Variants in DAB2IP observed in about 807,000 individuals in gnomAD.
The protein encoded by DAB2IP is DAB2 interacting protein.
In DAB2IP, 28 loss-of-function variants were observed where a neutral mutation model predicts 107.2. That is an observed-to-expected ratio of 0.26 (90% CI 0.19 to 0.36). The LOEUF (loss-of-function observed/expected upper bound fraction) is 0.36, where lower values mean the gene tolerates loss of function less well. Ranked by LOEUF, DAB2IP falls within the 10% of genes least tolerant of loss-of-function variation. DAB2IP has a pLI of 1.00. For missense variants in DAB2IP, 1,400 were observed against 1,644.7 expected (o/e 0.85, Z 2.57); for synonymous variants, 755 against 706.4 (o/e 1.07, Z -1.09).
Position 121,776,515 on chromosome 9 carries a change from G to T in DAB2IP, c.3314+124G>T. ...AGCTGAATGTGGAGAGAGGAGGGAA[G>T]AGAGTGTCTGGGCAGTGGGAGCAGC... is the stretch of plus-strand genomic sequence containing the variant. On this transcript the variant is annotated intron_variant, in intron 14 of 15. Transcript: ENST00000408936. The surrounding 1 kb of genome is among the most constrained non-coding windows in gnomAD (Gnocchi z 5.4). 1 of 1,130,164 alleles carries T rather than the reference G, an allele frequency of 8.8e-7. No homozygotes were observed. Among genetic ancestry groups the T allele is most frequent in the South Asian group, 1.6e-5 (1 of 60,888 alleles). The allele number at this position is 1,130,164 out of a possible 1,614,324, so 70.0% of individuals were successfully genotyped here. A position where few individuals can be genotyped will look rare whatever the true frequency, so the allele number is the denominator to read the frequency against.
At chr9:121,745,075 G>C (rs1223352049) in intron 3 of DAB2IP, among the ~76,000 whole-genome samples, 1 of 152,192 alleles carries the variant, frequency 6.6e-6, no homozygotes, top group African/African-American at 2.4e-5. Context: ...AGCTTAGCCT[G>C]GAGTCAGCCA....
chr9:121,638,430 T>G (rs1196953596), intron 1 of DAB2IP, among the ~76,000 whole-genome samples: 1 of 152,072 alleles, frequency 6.6e-6, no homozygotes, highest in African/African-American at 2.4e-5. Flanking sequence ...GAGAGACGCC[T>G]GTATGGCACT....
rs1319952117 is a variant in DAB2IP, at chr9:121,599,556, G to T, written c.40+32328G>T. Among the ~76,000 whole-genome samples the T allele has an allele frequency of 6.6e-6, 1 of 151,936 alleles. No homozygotes were observed. The highest frequency in any genetic ancestry group is 2.4e-5 in the African/African-American group (1 of 41,408). The stretch of plus-strand genomic sequence containing the variant: ...GGAGCCGTAGAGCGGCGGCGCCGGG[G>T]GAGGCGCGGAGCCGGCCGTAGCGCG... On this transcript the variant is annotated intron_variant, in intron 1 of 16. Coordinates refer to the DAB2IP transcript ENST00000259371. This position sits in a 1 kb window ranked among gnomAD's most constrained non-coding sequence, Gnocchi z 6.9.
intron 1 of DAB2IP, among the ~76,000 whole-genome samples, chr9:121,674,019 G>A (rs1221614269): frequency 6.6e-6 from 1 of 152,224 alleles, no homozygotes; most frequent in East Asian, 1.9e-4. Context: ...ATGAAGGCGT[G>A]GGCAGGCCTC....
At chr9:121,586,484 C>T (rs753154564) in intron 1 of DAB2IP, among the ~76,000 whole-genome samples, 26 of 152,138 alleles carry the variant, frequency 1.7e-4, no homozygotes, top group Non-Finnish European at 2.4e-4. Flanking sequence ...CAAAATGGGC[C>T]CCTTGCAGGG....
rs752395421 is a variant in DAB2IP at position 121,782,750 on chromosome 9, C to T, written c.*252C>T. The T allele has an allele frequency of 6.6e-6, 9 of 1,355,268 alleles. No homozygotes were observed. The highest frequency in any genetic ancestry group is 7.6e-6 in the Non-Finnish European group (8 of 1,053,798). 84.0% of individuals were successfully genotyped at this position (1,355,268 alleles called of 1,614,324 possible). ...GAGACTGCACGCTGGGGAGTGGGGA[C>T]AGCCTGATGGGGCAGGGGGCCTGCC... is the stretch of plus-strand genomic sequence containing the variant. On this transcript the variant is annotated 3_prime_UTR_variant, in exon 16 of 16. Coordinates refer to ENST00000408936, the Ensembl canonical transcript of DAB2IP. This position sits in a 1 kb window ranked among gnomAD's most constrained non-coding sequence, Gnocchi z 6.1.
intron 1 of DAB2IP, among the ~76,000 whole-genome samples, chr9:121,628,601 G>A (rs1345348591): frequency 2.6e-5 from 4 of 152,196 alleles, no homozygotes; most frequent in East Asian, 1.9e-4. Flanking sequence ...AAGGCTTCCC[G>A]GAAGAGGTGG....
At chr9:121,624,088 A>T (rs1235796866) in intron 1 of DAB2IP, among the ~76,000 whole-genome samples, 1 of 152,110 alleles carries the variant, frequency 6.6e-6, no homozygotes, top group Non-Finnish European at 1.5e-5. Flanking sequence ...GGTACCTTAG[A>T]TTCACTCCTC....
exon 16 of DAB2IP, chr9:121,783,907 C>T (rs1280435328): frequency 9.5e-6 from 3 of 317,054 alleles, no homozygotes; most frequent in East Asian, 6.0e-5. Context: ...GAGCAAAGGC[C>T]CTGGGTAAGA....
Position 121,662,063 on chromosome 9 carries a change from C to T in DAB2IP, c.124+10164C>T, listed in dbSNP as rs528792422. On this transcript the variant is annotated intron_variant, in intron 1 of 15. Transcript: ENST00000408936. This position sits in a 1 kb window ranked among gnomAD's most constrained non-coding sequence, Gnocchi z 4.6. ...TTACAGAACAGAAGAAAATAAAAAT[C>T]ACCTTTAATCCAGCACCCACCAATA... 6.6e-6 allele frequency among the ~76,000 whole-genome samples: 1 copy of T among 152,156 alleles called. No individual in the cohort carries two copies. Among genetic ancestry groups the T allele is most frequent in the East Asian group, 1.9e-4 (1 of 5,188 alleles).
At chr9:121,571,159 T>C (rs1442218135) in intron 1 of DAB2IP, among the ~76,000 whole-genome samples, 1 of 152,040 alleles carries the variant, frequency 6.6e-6, no homozygotes, top group Non-Finnish European at 1.5e-5. Context: ...AGAGAAGCCC[T>C]CCTTAAACCA....
At chr9:121,589,166 T>G (rs1830372448) in intron 1 of DAB2IP, among the ~76,000 whole-genome samples, 2 of 152,112 alleles carry the variant, frequency 1.3e-5, no homozygotes, top group South Asian at 4.1e-4. Flanking sequence ...TAGGGAGAAC[T>G]AGTAGACATG....
chr9:121,696,080 G>A (rs1829413014), intron 2 of DAB2IP, among the ~76,000 whole-genome samples: 1 of 152,020 alleles, frequency 6.6e-6, no homozygotes, highest in Non-Finnish European at 1.5e-5. Context: ...TCTTGGCCAG[G>A]CTGGTCTTGA....
At position 121,776,693 on chromosome 9, in the gene DAB2IP, G is replaced by C. The variant is rs538881766; in HGVS notation, c.3314+302G>C. 1.3e-5 allele frequency among the ~76,000 whole-genome samples: 2 copies of C among 152,192 alleles called. No individual in the cohort carries two copies. The highest frequency in any genetic ancestry group is 4.8e-5 in the African/African-American group (2 of 41,460). ...TACCATCTTAGTAAGCACTCTCAGG[G>C]GCGCTGAGAAGCTGGATTGGGGGGT... is the stretch of plus-strand genomic sequence containing the variant. On this transcript the variant is annotated intron_variant, in intron 14 of 15. Transcript: ENST00000408936. The surrounding 1 kb of genome is among the most constrained non-coding windows in gnomAD (Gnocchi z 5.4).
intron 3 of DAB2IP, among the ~76,000 whole-genome samples, chr9:121,722,838 GTA>G (rs1564179701): frequency 2.6e-5 from 4 of 152,160 alleles, no homozygotes; most frequent in Non-Finnish European, 5.9e-5. Context: ...AAAATTGCAA[GTA>G]TAGAGTACCA....
At chr9:121,757,301 G>GT (rs1226241140) in intron 4 of DAB2IP, 135 bp downstream of exon 4, 2 of 1,169,224 alleles carry the variant, frequency 1.7e-6, no homozygotes, top group Admixed American at 3.0e-5. Context: ...GTGGCTAGTA[G>GT]TTACCGATAG....
intron 1 of DAB2IP, among the ~76,000 whole-genome samples, chr9:121,592,949 C>T (rs966686811): frequency 9.9e-5 from 15 of 152,020 alleles, no homozygotes; most frequent in African/African-American, 2.7e-4. Context: ...TGTTGTACAG[C>T]GCCTCACTCA....
rs540303649 is a variant in DAB2IP at position 121,705,241 on chromosome 9, TTGTC to T, written c.362+5787_362+5790del. 4.5e-3 allele frequency among the ~76,000 whole-genome samples: 692 copies of T among 152,316 alleles called. 2 individuals carry two copies. Among genetic ancestry groups the T allele is most frequent in the Non-Finnish European group, 7.9e-3 (538 of 68,034 alleles). ...AGCCTTTCTTTGCACAAGCATATGTTTGTCTGTGTACGTCTTTTGTATGTGTTGC... is the reference window on the plus strand; with the variant it reads ...AGCCTTTCTTTGCACAAGCATATGTTTGTGTACGTCTTTTGTATGTGTTGC... On this transcript the variant is annotated intron_variant, in intron 3 of 15. Transcript: ENST00000408936.
At chr9:121,623,172 G>A (rs550214625) in intron 1 of DAB2IP, among the ~76,000 whole-genome samples, 1 of 152,300 alleles carries the variant, frequency 6.6e-6, no homozygotes, top group South Asian at 2.1e-4. Context: ...TTGCCAAGCC[G>A]GGGTCCTCGC....
Sources: gnomAD v4.1 joint callset for allele counts (sites outside exome capture counted in the v4.1 genomes callset) on GRCh38, gnomAD v4.1.1 for gene constraint, Gnocchi (gnomAD v3.1) non-coding constraint, MANE v1.5 for transcripts, NCBI Gene and HGNC (gene_info 2026-07-23, HGNC 2026-07-21) for gene names.